Variants in CD3E observed in about 807,000 individuals in gnomAD.
CD3E encodes the protein T-cell surface glycoprotein CD3 epsilon chain.
A neutral mutation model predicts 34.7 loss-of-function variants in CD3E; 16 were observed. The observed-to-expected ratio is 0.46, with a 90% CI of 0.31 to 0.70. The LOEUF is 0.70. Ranked by LOEUF, CD3E falls within the 30% of genes least tolerant of loss-of-function variation. The pLI is 0.05. For synonymous variants in CD3E, 70 were observed against 90.8 expected (o/e 0.77, Z 1.30); for missense variants, 223 against 253.9 (o/e 0.88, Z 0.83).
chr11:118,307,766 G>A (rs1047233970), intron 3 of CD3E, among the ~76,000 whole-genome samples: 5 of 152,142 alleles, frequency 3.3e-5, no homozygotes, highest in African/African-American at 4.8e-5. Flanking sequence ...GAGTGTGCCC[G>A]GCCTGAACTT....
intron 8 of CD3E, 149 bp downstream of exon 8, chr11:118,314,643 C>A: frequency 1.4e-6 from 1 of 713,512 alleles, no homozygotes; most frequent in Non-Finnish European, 2.5e-6. Context: ...GCCACCTCTG[C>A]GTCCTTCATG....
chr11:118,307,040 T>C (rs923926872), intron 2 of CD3E, among the ~76,000 whole-genome samples: 3 of 152,096 alleles, frequency 2.0e-5, no homozygotes, highest in African/African-American at 4.8e-5. Context: ...TTGTCAAAAA[T>C]TGTGGGCTCA....
At chr11:118,309,927 G>A (rs889832392) in intron 4 of CD3E, among the ~76,000 whole-genome samples, 1 of 152,212 alleles carries the variant, frequency 6.6e-6, no homozygotes, top group African/African-American at 2.4e-5. Flanking sequence ...AGGCTGCATT[G>A]AGCAAAGATT....
At chr11:118,308,741 G>A (rs1591267703) in intron 4 of CD3E, among the ~76,000 whole-genome samples, 1 of 152,186 alleles carries the variant, frequency 6.6e-6, no homozygotes, top group Admixed American at 6.5e-5. Flanking sequence ...CATTTACCTA[G>A]CCCAGTGTCT....
In CD3E at chr11:118,312,147, T is replaced by G. The variant is rs1211354852; in HGVS notation, c.86-6T>G. On this transcript the variant is annotated splice_polypyrimidine_tract_variant and splice_region_variant and intron_variant, in intron 4 of 8. Transcript: ENST00000361763. ...TCTTACTGCTGTTTCCTTTTTTCAT[T>G]TTCAGGTGGTATTACACAGACACGT... The G allele has an allele frequency of 6.2e-7, 1 of 1,611,710 alleles. No individual in the cohort carries two copies. The highest frequency in any genetic ancestry group is 1.1e-5 in the South Asian group (1 of 91,026).
chr11:118,312,991 T>A (rs905172818), intron 6 of CD3E, 125 bp downstream of exon 6: 7 of 1,043,572 alleles, frequency 6.7e-6, no homozygotes, highest in African/African-American at 1.6e-5. Context: ...CCTCCCACAC[T>A]CAATCCTGGG....
At chr11:118,314,169 T>C in intron 7 of CD3E, among the ~76,000 whole-genome samples, 1 of 152,126 alleles carries the variant, frequency 6.6e-6, no homozygotes, top group African/African-American at 2.4e-5. Flanking sequence ...AGAGAGACTT[T>C]GATATATTAG....
chr11:118,306,596 G>A (rs1948108265), intron 2 of CD3E, among the ~76,000 whole-genome samples: 3 of 152,124 alleles, frequency 2.0e-5, no homozygotes, highest in African/African-American at 4.8e-5. Flanking sequence ...AGTCTGCTCT[G>A]GGGATAGGAA....
intron 2 of CD3E, 62 bp downstream of exon 2, chr11:118,305,063 A>T: frequency 7.1e-7 from 1 of 1,418,002 alleles, no homozygotes; most frequent in Non-Finnish European, 1.0e-6. Flanking sequence ...TTACAGCCTT[A>T]CCTGGCACTG....
chr11:118,313,954 C>T, intron 7 of CD3E, 80 bp downstream of exon 7: 4 of 1,408,266 alleles, frequency 2.8e-6, no homozygotes, highest in South Asian at 2.4e-5. Context: ...GGCAAGTCCA[C>T]AGCTAGGTCA....
chr11:118,312,458 C>G, intron 5 of CD3E, 160 bp from the exon 6 acceptor site: 1 of 853,820 alleles, frequency 1.2e-6, no homozygotes, highest in Non-Finnish European at 1.9e-6. Context: ...CACATATCTC[C>G]TCTTCCACAC....
Position 118,312,584 on chromosome 11 carries a change from G to A in CD3E, c.104-34G>A, listed in dbSNP as rs199624480. The A allele has an allele frequency of 8.1e-6, 13 of 1,613,852 alleles. No individual in the cohort carries two copies. In the South Asian group the frequency reaches 1.3e-4, roughly 16 times the overall value. ...ATTTGCCTTTTCTAAAATTGTCCTG[G>A]TTTCTTCTGCCAATTTCCCTTCTTT... On this transcript the variant is annotated intron_variant, in intron 5 of 8. Coordinates refer to ENST00000361763, the MANE Select transcript of CD3E (RefSeq NM_000733.4).
intron 6 of CD3E, chr11:118,313,485 C>T (rs1948147442): frequency 1.7e-6 from 1 of 577,006 alleles, no homozygotes; most frequent in South Asian, 1.9e-5. Context: ...AGTAATAAAG[C>T]TGGGACTCAA....
Position 118,315,516 on chromosome 11 carries a change from T to C in CD3E, c.598T>C (p.Ser200Pro), listed in dbSNP as rs757693478. 1 of 1,613,520 alleles carries C rather than the reference T, an allele frequency of 6.2e-7. No individual in the cohort carries two copies. The highest frequency in any genetic ancestry group is 1.7e-5 in the Admixed American group (1 of 59,974). Residue 200 changes from serine (S) to proline (P), a missense_variant, in exon 9 of 9, where the codon TCT (serine) becomes CCT (proline). Coordinates refer to ENST00000361763, the MANE Select transcript of CD3E (RefSeq NM_000733.4). ...CCGGAAAGGCCAGCGGGACCTGTAT[T>C]CTGGCCTGAATCAGAGACGCATCTG... ...PIRKGQRDLY[S>P]GLNQRRI
intron 8 of CD3E, among the ~76,000 whole-genome samples, chr11:118,315,228 A>G (rs1948159902): frequency 6.6e-6 from 1 of 152,162 alleles, no homozygotes; most frequent in Non-Finnish European, 1.5e-5. Context: ...CTTTAGCTTA[A>G]GCGAATTATT....
intron 4 of CD3E, 60 bp from the exon 5 acceptor site, chr11:118,312,093 C>A: frequency 6.7e-7 from 1 of 1,492,594 alleles, no homozygotes; most frequent in South Asian, 1.1e-5. Flanking sequence ...AAAGTTTTAC[C>A]TACAATTTAA....
At chr11:118,311,812 C>A (rs1231258584) in intron 4 of CD3E, among the ~76,000 whole-genome samples, 1 of 152,088 alleles carries the variant, frequency 6.6e-6, no homozygotes, top group African/African-American at 2.4e-5. Flanking sequence ...ACAGTTCTGG[C>A]TAATTTAAGA....
At chr11:118,314,142 G>T (rs979445556) in intron 7 of CD3E, among the ~76,000 whole-genome samples, 1 of 152,178 alleles carries the variant, frequency 6.6e-6, no homozygotes, top group African/African-American at 2.4e-5. Context: ...ATCCGATTCC[G>T]CCCCTAAGCT....
At chr11:118,315,435 G>C (rs1255998343) in intron 8 of CD3E, 51 bp from the exon 9 acceptor site, 3 of 1,505,862 alleles carry the variant, frequency 2.0e-6, no homozygotes, top group Non-Finnish European at 2.8e-6. Context: ...CCTTTCTTAG[G>C]AGGTACTTCC....
Sources: allele counts gnomAD v4.1 joint callset (sites outside exome capture counted in the v4.1 genomes callset), GRCh38; gene constraint gnomAD v4.1.1; transcripts MANE v1.5; gene names NCBI Gene and HGNC (gene_info 2026-07-23, HGNC 2026-07-21).